TXLNA: variants seen among roughly 807,000 people sequenced by gnomAD.
The protein encoded by TXLNA is taxilin alpha, also known as alpha-taxilin.
Under a neutral mutation model 61.4 loss-of-function variants are expected in TXLNA, and 9 were observed. The observed-to-expected ratio is 0.15, with a 90% CI of 0.09 to 0.26. TXLNA has a LOEUF of 0.26. Ranked by LOEUF, TXLNA falls within the 10% of genes least tolerant of loss-of-function variation. The probability of loss-of-function intolerance (pLI) is 1.00; values close to 1 mark genes in which losing one functional copy is unlikely to be tolerated. For synonymous variants in TXLNA, 257 were observed against 267.7 expected, an observed-to-expected ratio of 0.96 and a Z score of 0.39; for missense variants, 565 against 688.8, an observed-to-expected ratio of 0.82 and a Z score of 2.01.
chr1:32,183,424 T>C (rs1258389262), intron 3 of TXLNA, among the ~76,000 whole-genome samples: 1 of 80,970 alleles, frequency 1.2e-5, no homozygotes, highest in Non-Finnish European at 2.5e-5. Flanking sequence ...GTACCCTGCC[T>C]TTTTTTTTTT....
intron 10 of TXLNA, 129 bp downstream of exon 10, chr1:32,194,289 C>A: frequency 1.3e-6 from 1 of 763,394 alleles, no homozygotes; most frequent in Non-Finnish European, 2.1e-6. Flanking sequence ...ACACAATGTC[C>A]AAGTCCAAAG....
intron 3 of TXLNA, among the ~76,000 whole-genome samples, chr1:32,183,314 CAG>C (rs1642708394): frequency 6.9e-6 from 1 of 145,378 alleles, no homozygotes; most frequent in Non-Finnish European, 1.5e-5. Context: ...TTAGTAGTGA[CAG>C]GGTTTCACTG....
chr1:32,194,897 C>T lies in TXLNA; in HGVS notation c.1348-5C>T, dbSNP rs199987261. ...CGGCACTGAAGGTCTCATTTCTTTC[C>T]CTAGAAAACAGTCCGGGATAAAGAA... On this transcript the variant is annotated splice_polypyrimidine_tract_variant and splice_region_variant and intron_variant, in intron 10 of 10. Transcript: ENST00000373610. 4.7e-4 allele frequency: 752 copies of T among 1,596,052 alleles called. No homozygotes were observed. The highest frequency in any genetic ancestry group is 6.0e-4 in the Non-Finnish European group (705 of 1,172,318).
At chr1:32,191,329 C>T (rs1642902628) in intron 6 of TXLNA, among the ~76,000 whole-genome samples, 1 of 152,116 alleles carries the variant, frequency 6.6e-6, no homozygotes, top group Non-Finnish European at 1.5e-5. Flanking sequence ...GAAGATCTGC[C>T]CTCTTAGGTT....
intron 3 of TXLNA, among the ~76,000 whole-genome samples, chr1:32,183,797 C>T (rs1642724387): frequency 6.6e-6 from 1 of 150,964 alleles, no homozygotes. Context: ...AGTGCAGTGG[C>T]GCGATCTGGG....
intron 2 of TXLNA, 30 bp downstream of exon 2, chr1:32,180,544 C>G (rs1029575014): frequency 8.9e-6 from 14 of 1,567,090 alleles, no homozygotes; most frequent in Non-Finnish European, 1.2e-5. Flanking sequence ...TGCCAGCGGG[C>G]AGGGGGAGGA....
Position 32,181,700 on chromosome 1 carries a change from C to T in TXLNA, c.505+123C>T, listed in dbSNP as rs1434176295. ...CGGTACTTCTCAGAGCAGCAAGTCA[C>T]TCTAGTCTAATCAAAGCCAGGGATG... On this transcript the variant is annotated intron_variant, in intron 3 of 10. Coordinates refer to ENST00000373610, the MANE Select transcript of TXLNA (RefSeq NM_175852.4). 4.1e-6 allele frequency: 4 copies of T among 970,716 alleles called. No individual in the cohort carries two copies. In the African/African-American group the frequency reaches 6.6e-5, roughly 16 times the overall value. The allele number at this position is 970,716 out of a possible 1,614,324, so 60.1% of individuals were successfully genotyped here.
chr1:32,196,329 T>G lies in TXLNA; in HGVS notation c.*1134T>G, dbSNP rs1643024110. 1 of 152,626 alleles carries G rather than the reference T, an allele frequency of 6.6e-6. No individual in the cohort carries two copies. 9.5% of individuals were successfully genotyped at this position (152,626 alleles called of 1,614,324 possible). Reference sequence around the variant, plus strand: ...GCCTCTTTGGCTTCATGGGTTTTTCTGCTTCCTGCCCCCACCCCCACATGT... The same window carrying G: ...GCCTCTTTGGCTTCATGGGTTTTTCGGCTTCCTGCCCCCACCCCCACATGT... On this transcript the variant is annotated 3_prime_UTR_variant, in exon 11 of 11. Transcript: ENST00000373610.
Position 32,198,216 on chromosome 1 carries a change from TATTCACAA to T in TXLNA, c.*3022_*3029del, listed in dbSNP as rs1326746959. The stretch of plus-strand genomic sequence containing the variant: ...TGGCAGCTTTTTTGTCTCCTTTGGG[TATTCACAA>T]CAGCCAGGGACTTGATTTTGATGTA... On this transcript the variant is annotated 3_prime_UTR_variant, in exon 11 of 11. Transcript: ENST00000373610. The T allele has an allele frequency of 6.6e-6, 1 of 152,268 alleles. No homozygotes were observed. The highest frequency in any genetic ancestry group is 1.5e-5 in the Non-Finnish European group (1 of 68,052). The allele number at this position is 152,268 out of a possible 1,614,324, so 9.4% of individuals were successfully genotyped here.
intron 4 of TXLNA, among the ~76,000 whole-genome samples, chr1:32,185,517 C>T (rs1383554165): frequency 5.3e-5 from 8 of 151,122 alleles, no homozygotes; most frequent in Non-Finnish European, 5.9e-5. Context: ...CTCAGCCTCC[C>T]GAGTAGCTGG....
intron 6 of TXLNA, among the ~76,000 whole-genome samples, chr1:32,191,990 C>G (rs1322870855): frequency 6.6e-6 from 1 of 152,384 alleles, no homozygotes; most frequent in Middle Eastern, 3.4e-3. Flanking sequence ...ATCAGGGACA[C>G]AGAAGTGAGG....
chr1:32,193,354 A>G (rs1642947696), intron 9 of TXLNA, 54 bp downstream of exon 9: 8 of 1,409,274 alleles, frequency 5.7e-6, no homozygotes, highest in Admixed American at 1.7e-5. Flanking sequence ...GCTTCATTCA[A>G]AATTGTTGGG....
At chr1:32,184,352 G>A (rs973370441) in intron 3 of TXLNA, among the ~76,000 whole-genome samples, 173 bp from the exon 4 acceptor site, 10 of 152,304 alleles carry the variant, frequency 6.6e-5, no homozygotes, top group Non-Finnish European at 1.2e-4. Context: ...CAGTACTGGG[G>A]CTATAGTGAG....
intron 6 of TXLNA, 79 bp downstream of exon 6, chr1:32,190,328 T>C: frequency 1.5e-6 from 2 of 1,342,882 alleles, no homozygotes; most frequent in Non-Finnish European, 2.0e-6. Flanking sequence ...GACAGTACCT[T>C]TTCAGGCTTC....
chr1:32,192,341 C>A lies in TXLNA; in HGVS notation c.994C>A (p.Leu332Ile), dbSNP rs1642925303. ...HIDKVFKHKD[L>I]QQQLVDAKLQ... ...CGACAAAGTCTTCAAACACAAGGAC[C>A]TACAACAGCAGCTGGTGGATGCCAA... Residue 332 changes from leucine to isoleucine, a missense_variant, in exon 7 of 11, where the codon CTA (leucine) becomes ATA (isoleucine). Transcript: ENST00000373610. This position sits in a 1 kb window ranked among gnomAD's most constrained non-coding sequence, Gnocchi z 4.2. 1 of 1,614,108 alleles carries A rather than the reference C, an allele frequency of 6.2e-7. No individual in the cohort carries two copies. Among genetic ancestry groups the A allele is most frequent in the East Asian group, 2.2e-5 (1 of 44,902 alleles).
Position 32,181,273 on chromosome 1 carries a change from C to G in TXLNA, c.201C>G (p.Ala67=). 1 of 1,607,626 alleles carries G rather than the reference C, an allele frequency of 6.2e-7. No homozygotes were observed. The highest frequency in any genetic ancestry group is 2.2e-5 in the East Asian group (1 of 44,728). ...GAQARTAQSG[A]LRDVSEELSR... ...AAGCCAGAACGGCTCAGTCTGGGGC[C>G]CTTCGTGATGTCTCTGAGGAGCTGA... The change falls in exon 3 of 11, where the codon GCC becomes GCG. Residue 67 remains alanine, a synonymous_variant. Coordinates refer to ENST00000373610, the MANE Select transcript of TXLNA (RefSeq NM_175852.4).
intron 2 of TXLNA, 122 bp downstream of exon 2, chr1:32,180,636 T>G (rs1642635080): frequency 3.9e-6 from 5 of 1,283,064 alleles, no homozygotes; most frequent in Non-Finnish European, 5.3e-6. Flanking sequence ...GAGAGGACAG[T>G]GCTGGGGGCC....
At chr1:32,180,634 A>G (rs1438639599) in intron 2 of TXLNA, 120 bp downstream of exon 2, 4 of 1,304,716 alleles carry the variant, frequency 3.1e-6, no homozygotes, top group African/African-American at 1.5e-5. Context: ...ATGAGAGGAC[A>G]GTGCTGGGGG....
rs1642997264 is a variant in TXLNA, at chr1:32,195,401, A to G, written c.*206A>G. On this transcript the variant is annotated 3_prime_UTR_variant, in exon 11 of 11. Transcript: ENST00000373610. ...GCCTTGCAAATGCATTTATACCTGT[A>G]AGTGTACAGTGGGCTTGCATTGGGG... 3.3e-6 allele frequency: 2 copies of G among 601,402 alleles called. No individual in the cohort carries two copies. Among genetic ancestry groups the G allele is most frequent in the Non-Finnish European group, 5.9e-6 (2 of 339,956 alleles). The allele number at this position is 601,402 out of a possible 1,614,324, so 37.3% of individuals were successfully genotyped here.
Sources: gnomAD v4.1 joint callset for allele counts (sites outside exome capture counted in the v4.1 genomes callset) on GRCh38, gnomAD v4.1.1 for gene constraint, Gnocchi (gnomAD v3.1) non-coding constraint, MANE v1.5 for transcripts, NCBI Gene and HGNC (gene_info 2026-07-23, HGNC 2026-07-21) for gene names.